LARP4B: variants seen among roughly 807,000 people sequenced by gnomAD.
LARP4B encodes La ribonucleoprotein 4B.
In LARP4B, 12 loss-of-function variants were observed where a neutral mutation model predicts 89.8. That is an observed-to-expected ratio of 0.13 (90% CI 0.09 to 0.22). LARP4B has a LOEUF of 0.22. Ranked by LOEUF, LARP4B falls within the 10% of genes least tolerant of loss-of-function variation. The pLI is 1.00. For synonymous variants in LARP4B, 367 were observed against 363.3 expected, an observed-to-expected ratio of 1.01 and a Z score of -0.12; for missense variants, 757 against 947.7, an observed-to-expected ratio of 0.80 and a Z score of 2.64.
At chr10:932,763 C>T (rs553560318), upstream of LARP4B, among the ~76,000 whole-genome samples, 75 of 148,914 alleles carry the variant, frequency 5.0e-4, no homozygotes, top group South Asian at 7.8e-3. Context: ...GTCCCGGCCC[C>T]GAAGTCCCAA....
At chr10:852,099 G>A (rs1385438407) in intron 5 of LARP4B, among the ~76,000 whole-genome samples, 2 of 151,586 alleles carry the variant, frequency 1.3e-5, no homozygotes, top group African/African-American at 2.4e-5. Flanking sequence ...AGTAAGAAAG[G>A]AAAGAAGAAA....
the LARP4B span, among the ~76,000 whole-genome samples, chr10:968,581 G>A: frequency 1.4e-5 from 2 of 146,526 alleles, no homozygotes; most frequent in Non-Finnish European, 1.5e-5. Flanking sequence ...CACTGAGGAC[G>A]GAGACTGACT....
chr10:970,456 A>G, the LARP4B span, among the ~76,000 whole-genome samples: 1 of 152,148 alleles, frequency 6.6e-6, no homozygotes, highest in African/African-American at 2.4e-5. Flanking sequence ...CTGTCATTCT[A>G]TGAATTATCA....
intron 5 of LARP4B, among the ~76,000 whole-genome samples, chr10:856,416 TAAA>T (rs1834304739): frequency 6.6e-6 from 1 of 152,182 alleles, no homozygotes. Flanking sequence ...GTAAAAAATC[TAAA>T]AAGAACAATT....
intron 1 of LARP4B, among the ~76,000 whole-genome samples, chr10:894,756 C>T (rs774875922): frequency 6.6e-6 from 1 of 152,082 alleles, no homozygotes; most frequent in Non-Finnish European, 1.5e-5. Context: ...TAGAATATGC[C>T]AATTTTTTTG....
intron 1 of LARP4B, among the ~76,000 whole-genome samples, chr10:893,250 T>C (rs1836089933): frequency 6.6e-6 from 1 of 152,118 alleles, no homozygotes; most frequent in Non-Finnish European, 1.5e-5. Flanking sequence ...CTCAGTAGGC[T>C]TGTTCTTTGA....
At chr10:821,406 A>G (rs35666723) in intron 13 of LARP4B, among the ~76,000 whole-genome samples, 17,111 of 152,232 alleles carry the variant, frequency 0.11, 1,196 homozygotes, top group Non-Finnish European at 0.16. Flanking sequence ...TCCCAGCCTC[A>G]GGAACCACAT....
chr10:980,269 T>C, the LARP4B span, among the ~76,000 whole-genome samples: 10 of 152,264 alleles, frequency 6.6e-5, no homozygotes, highest in African/African-American at 2.4e-4. Context: ...TTTCCAGGTG[T>C]AGGGTGCAAG....
intron 3 of LARP4B, chr10:873,013 G>A (rs1190681233): frequency 1.9e-5 from 19 of 984,552 alleles, no homozygotes; most frequent in Admixed American, 6.1e-5. Flanking sequence ...CACCTTTGAC[G>A]GTATCAAATA....
chr10:866,906 A>G (rs1297648281), intron 3 of LARP4B, among the ~76,000 whole-genome samples: 1 of 152,188 alleles, frequency 6.6e-6, no homozygotes, highest in African/African-American at 2.4e-5. Flanking sequence ...TGTTCCTCCT[A>G]TTCCAGGGTG....
At chr10:882,024 T>C (rs533706029) in intron 3 of LARP4B, among the ~76,000 whole-genome samples, 1 of 152,112 alleles carries the variant, frequency 6.6e-6, no homozygotes, top group Non-Finnish European at 1.5e-5. Context: ...GGGAACAGAA[T>C]GTGGAGACAC....
chr10:904,500 G>T (rs945760386), intron 1 of LARP4B, among the ~76,000 whole-genome samples: 1 of 142,764 alleles, frequency 7.0e-6, no homozygotes, highest in Non-Finnish European at 1.5e-5. Context: ...GGTTGGGGGG[G>T]CATTAAGCCG....
At chr10:888,823 G>A (rs886429918) in intron 1 of LARP4B, among the ~76,000 whole-genome samples, 9 of 152,106 alleles carry the variant, frequency 5.9e-5, no homozygotes, top group African/African-American at 1.7e-4. Flanking sequence ...GCAGTGGCTC[G>A]CGCCTATAAT....
In LARP4B at chr10:814,390, A is replaced by G; in HGVS notation, c.1929+352T>C. On this transcript the variant is annotated intron_variant, in intron 17 of 17. Transcript: ENST00000316157. This position sits in a 1 kb window ranked among gnomAD's most constrained non-coding sequence, Gnocchi z 4.4. ...CTCTTCCTGTCTCTTCATCAGACAC[A>G]CGATGCGCGCGCACGCACGCAAACA... 1 of 360,972 alleles carries G rather than the reference A, an allele frequency of 2.8e-6. No individual in the cohort carries two copies. Among genetic ancestry groups the G allele is most frequent in the Admixed American group, 4.2e-5 (1 of 23,926 alleles). 22.4% of individuals were successfully genotyped at this position (360,972 alleles called of 1,614,324 possible).
intron 5 of LARP4B, among the ~76,000 whole-genome samples, chr10:858,293 A>G (rs1262083670): frequency 6.6e-6 from 1 of 152,158 alleles, no homozygotes; most frequent in Non-Finnish European, 1.5e-5. Context: ...CGATCGTTCT[A>G]TAGAGAAAGG....
At chr10:908,274 G>C (rs976825470) in intron 1 of LARP4B, among the ~76,000 whole-genome samples, 49 of 152,200 alleles carry the variant, frequency 3.2e-4, no homozygotes, top group African/African-American at 8.4e-4. Context: ...CATGGAGGTT[G>C]TTAAAGAGTG....
chr10:903,925 A>G (rs1048070783), intron 1 of LARP4B, among the ~76,000 whole-genome samples: 1 of 152,208 alleles, frequency 6.6e-6, no homozygotes, highest in Non-Finnish European at 1.5e-5. Context: ...ATTTGTCCCT[A>G]ACAATGAGTC....
chr10:817,987 C>G, intron 14 of LARP4B, 98 bp from the exon 15 acceptor site: 1 of 1,231,900 alleles, frequency 8.1e-7, no homozygotes, highest in Admixed American at 2.5e-5. Context: ...TAGAAACAAG[C>G]AGATCATTCA....
At chr10:843,807 A>T (rs1240710174) in intron 6 of LARP4B, among the ~76,000 whole-genome samples, 1 of 152,244 alleles carries the variant, frequency 6.6e-6, no homozygotes, top group East Asian at 1.9e-4. Flanking sequence ...TTCCTCCTGT[A>T]GACTCTGGAA....
Sources: gnomAD v4.1 joint callset for allele counts (sites outside exome capture counted in the v4.1 genomes callset) on GRCh38, gnomAD v4.1.1 for gene constraint, Gnocchi (gnomAD v3.1) non-coding constraint, MANE v1.5 for transcripts, NCBI Gene and HGNC (gene_info 2026-07-23, HGNC 2026-07-21) for gene names.